DNAJC10: variants seen among roughly 807,000 people sequenced by gnomAD.
DNAJC10 encodes the protein DnaJ heat shock protein family (Hsp40) member C10, also known as endoplasmic reticulum disulfide reductase DNAJC10.
Under a neutral mutation model 115.0 loss-of-function variants are expected in DNAJC10, and 101 were observed. The observed-to-expected ratio is 0.88, with a 90% CI of 0.75 to 1.04. The LOEUF (loss-of-function observed/expected upper bound fraction) is 1.04. Ranked by LOEUF, DNAJC10 falls within the 50% of genes least tolerant of loss-of-function variation. DNAJC10 has a pLI of 0.00. For synonymous variants in DNAJC10, 307 were observed against 301.5 expected (o/e 1.02, Z -0.19); for missense variants, 981 against 928.8 (o/e 1.06, Z -0.73).
chr2:182,779,698 AAAATG>A lies in DNAJC10; in HGVS notation c.*2572_*2576del, dbSNP rs1254680539. ...TATATGATTAAGATAAAGGAAAAGTAAAATGAAATGTTTATGTAATTTTATATTCT... is the reference window on the plus strand; with the variant it reads ...TATATGATTAAGATAAAGGAAAAGTAAAATGTTTATGTAATTTTATATTCT... On this transcript the variant is annotated 3_prime_UTR_variant, in exon 24 of 24. Coordinates refer to ENST00000264065, the MANE Select transcript of DNAJC10 (RefSeq NM_018981.4). The A allele has an allele frequency of 1.3e-5, 2 of 152,260 alleles. No homozygotes were observed. The highest frequency in any genetic ancestry group is 2.9e-5 in the Non-Finnish European group (2 of 68,044). 9.4% of individuals were successfully genotyped at this position (152,260 alleles called of 1,614,324 possible).
chr2:182,774,074 T>C (rs1694639988), intron 22 of DNAJC10, among the ~76,000 whole-genome samples: 1 of 152,206 alleles, frequency 6.6e-6, no homozygotes, highest in South Asian at 2.1e-4. Context: ...TAGTTTTCCT[T>C]CTGACAGGTC....
At chr2:182,734,912 A>G (rs543483618) in intron 10 of DNAJC10, among the ~76,000 whole-genome samples, 17 of 149,830 alleles carry the variant, frequency 1.1e-4, no homozygotes, top group African/African-American at 4.2e-4. Context: ...GCATTTTTCC[A>G]TTTTTTACTG....
intron 17 of DNAJC10, among the ~76,000 whole-genome samples, chr2:182,755,792 A>T (rs1694141992): frequency 6.6e-6 from 1 of 152,210 alleles, no homozygotes; most frequent in Admixed American, 6.5e-5. Context: ...TTGGTTCTAG[A>T]ACAGAACTTT....
chr2:182,763,277 A>G (rs1421906293), intron 22 of DNAJC10, among the ~76,000 whole-genome samples: 1 of 152,142 alleles, frequency 6.6e-6, no homozygotes, highest in East Asian at 1.9e-4. Context: ...GAACAATGAT[A>G]AAGTATTTGC....
In DNAJC10 at chr2:182,779,569, A is replaced by G. The variant is rs1306149799; in HGVS notation, c.*2437A>G. The G allele has an allele frequency of 6.6e-6, 1 of 152,050 alleles. No homozygotes were observed. The highest frequency in any genetic ancestry group is 2.4e-5 in the African/African-American group (1 of 41,390). 9.4% of individuals were successfully genotyped at this position (152,050 alleles called of 1,614,324 possible). A position where few individuals can be genotyped will look rare whatever the true frequency, so the allele number is the denominator to read the frequency against. ...AATCCAGCCTGGGCAACATAGCAAGACCCCATCTCTAATAAATAAATTATG... is the reference window on the plus strand; with the variant it reads ...AATCCAGCCTGGGCAACATAGCAAGGCCCCATCTCTAATAAATAAATTATG... On this transcript the variant is annotated 3_prime_UTR_variant, in exon 24 of 24. Transcript: ENST00000264065.
At chr2:182,746,335 T>A (rs1158678561) in intron 14 of DNAJC10, among the ~76,000 whole-genome samples, 2 of 152,186 alleles carry the variant, frequency 1.3e-5, no homozygotes, top group African/African-American at 2.4e-5. Context: ...GTTGAACTAG[T>A]TTACAGTCCC....
chr2:182,731,870 A>AT (rs1327123386), intron 9 of DNAJC10, among the ~76,000 whole-genome samples: 1 of 152,036 alleles, frequency 6.6e-6, no homozygotes, highest in Non-Finnish European at 1.5e-5. Context: ...TCACCAAGGG[A>AT]TTTTGTCTCA....
chr2:182,777,091 TTCTC>T (rs768246278), intron 23 of DNAJC10, 26 bp from the exon 24 acceptor site: 6 of 1,347,114 alleles, frequency 4.5e-6, no homozygotes, highest in South Asian at 3.6e-5. Flanking sequence ...ACTTTCTCCT[TTCTC>T]TATCGCCTTT....
chr2:182,766,442 A>G (rs564065033), intron 22 of DNAJC10, among the ~76,000 whole-genome samples: 9 of 152,320 alleles, frequency 5.9e-5, no homozygotes, highest in Admixed American at 5.9e-4. Flanking sequence ...TGCAAGATTT[A>G]AATGAGTAAT....
rs760580376 is a variant in DNAJC10, at chr2:182,775,331, G to A, written c.2281G>A (p.Glu761Lys). Residue 761 changes from glutamate (E) to lysine (K), a missense_variant, in exon 23 of 24, where the codon GAG (glutamate) becomes AAG (lysine). Coordinates refer to ENST00000264065, the MANE Select transcript of DNAJC10 (RefSeq NM_018981.4). ...YERAKRNFQE[E>K]QINTRDAKAI... The stretch of plus-strand genomic sequence containing the variant: ...TTAATTTTAGAGAAATTTTCAAGAA[G>A]AGCAGATAAATACCAGAGATGCAAA... The A allele has an allele frequency of 1.6e-5, 26 of 1,607,396 alleles. No individual in the cohort carries two copies. Among genetic ancestry groups the A allele is most frequent in the African/African-American group, 2.7e-5 (2 of 74,694 alleles).
In DNAJC10 at chr2:182,775,383, A is replaced by C; in HGVS notation, c.2333A>C (p.Lys778Thr). 6.2e-7 allele frequency: 1 copy of C among 1,613,230 alleles called. No individual in the cohort carries two copies. Among genetic ancestry groups the C allele is most frequent in the Non-Finnish European group, 8.5e-7 (1 of 1,179,518 alleles). The change falls in exon 23 of 24, where the codon AAA becomes ACA. Residue 778 changes from lysine (K) to threonine (T), a missense_variant. Lys to Thr is a moderately conservative substitution (Grantham distance 78). Coordinates refer to ENST00000264065, the MANE Select transcript of DNAJC10 (RefSeq NM_018981.4). ...GCAATCGCTGCCTTAATAAGTGAAA[A>C]ATTGGAAACTCTCCGAAATCAAGGC... Reference protein sequence around the residue: ...AKAIAALISEKLETLRNQGKR... With the variant: ...AKAIAALISETLETLRNQGKR...
In DNAJC10 at chr2:182,785,139, G is replaced by C. The variant is rs1490093304; in HGVS notation, c.*8007G>C. The stretch of plus-strand genomic sequence containing the variant: ...TATGAATGGTATGACAATAAATTTA[G>C]AAAATCATACAGGCACACACACTGC... On this transcript the variant is annotated 3_prime_UTR_variant, in exon 24 of 24. Coordinates refer to ENST00000264065, the MANE Select transcript of DNAJC10 (RefSeq NM_018981.4). 2 of 152,042 alleles carry C rather than the reference G, an allele frequency of 1.3e-5. No individual in the cohort carries two copies. Among genetic ancestry groups the C allele is most frequent in the African/African-American group, 2.4e-5 (1 of 41,412 alleles). 9.4% of individuals were successfully genotyped at this position (152,042 alleles called of 1,614,324 possible). A position where few individuals can be genotyped will look rare whatever the true frequency, so the allele number is the denominator to read the frequency against.
At chr2:182,735,440 ATTCT>A in intron 10 of DNAJC10, among the ~76,000 whole-genome samples, 1 of 152,098 alleles carries the variant, frequency 6.6e-6, no homozygotes, top group South Asian at 2.1e-4. Flanking sequence ...ATCAAGATCT[ATTCT>A]TTCTTAGCTT....
chr2:182,773,384 G>T (rs1302289404), intron 22 of DNAJC10, among the ~76,000 whole-genome samples: 1 of 152,158 alleles, frequency 6.6e-6, no homozygotes, highest in Non-Finnish European at 1.5e-5. Context: ...GGCCTGCCTT[G>T]ATAGGTTGAG....
intron 14 of DNAJC10, among the ~76,000 whole-genome samples, chr2:182,748,321 G>A (rs529151022): frequency 6.6e-5 from 10 of 152,276 alleles, no homozygotes; most frequent in Admixed American, 1.3e-4. Context: ...CTTCCTCCTT[G>A]TACCTGTGGT....
At chr2:182,777,010 A>G in intron 23 of DNAJC10, 111 bp from the exon 24 acceptor site, 1 of 630,328 alleles carries the variant, frequency 1.6e-6, no homozygotes, top group East Asian at 3.0e-5. Context: ...AAATAAGAAT[A>G]TTGAGTATTT....
At chr2:182,758,046 G>A (rs1438622455) in intron 19 of DNAJC10, among the ~76,000 whole-genome samples, 1 of 152,116 alleles carries the variant, frequency 6.6e-6, no homozygotes, top group Non-Finnish European at 1.5e-5. Flanking sequence ...GATAAGGAAA[G>A]GAAGAGCTAA....
chr2:182,725,113 C>T (rs1280410261), intron 5 of DNAJC10, among the ~76,000 whole-genome samples: 1 of 152,088 alleles, frequency 6.6e-6, no homozygotes. Flanking sequence ...TTACAGTGAT[C>T]TACAGTCAGT....
At position 182,757,777 on chromosome 2, in the gene DNAJC10, CTGAGA is replaced by C. The variant is rs1694194268; in HGVS notation, c.1897_1901del (p.Glu633LysfsTer9). ...GCCCAGGAAAACGTTCAAAGATACC[CTGAGA>C]TAAGATTTTTTCCCCCAAAATCAAA... is the stretch of plus-strand genomic sequence containing the variant. On this transcript the variant is annotated frameshift_variant, in exon 19 of 24. Transcript: ENST00000264065. LOFTEE classifies it high-confidence loss of function. 1 of 1,580,228 alleles carries C rather than the reference CTGAGA, an allele frequency of 6.3e-7. No individual in the cohort carries two copies. The highest frequency in any genetic ancestry group is 8.7e-7 in the Non-Finnish European group (1 of 1,153,258).
Sources: allele counts gnomAD v4.1 joint callset (sites outside exome capture counted in the v4.1 genomes callset), GRCh38; gene constraint gnomAD v4.1.1; transcripts MANE v1.5; gene names NCBI Gene and HGNC (gene_info 2026-07-23, HGNC 2026-07-21).